PDGFRB: variants seen among roughly 807,000 people sequenced by gnomAD.
PDGFRB encodes the protein platelet derived growth factor receptor beta, also known as platelet-derived growth factor receptor beta.
PDGFRB carries 42 observed loss-of-function variants against 120.2 expected under a neutral mutation model. That is an observed-to-expected ratio of 0.35 (90% confidence interval 0.27 to 0.45). The LOEUF (loss-of-function observed/expected upper bound fraction) is 0.45, where lower values mean the gene tolerates loss of function less well. Among genes scored for constraint, PDGFRB ranks in the 20% least tolerant of loss-of-function variants. PDGFRB has a pLI of 1.00. For synonymous variants in PDGFRB, 586 were observed against 606.8 expected (o/e 0.97, Z 0.50); for missense variants, 1,149 against 1,476.3 (o/e 0.78, Z 3.63).
At chr5:150,151,139 C>A in intron 1 of PDGFRB, among the ~76,000 whole-genome samples, 1 of 152,170 alleles carries the variant, frequency 6.6e-6, no homozygotes, top group Non-Finnish European at 1.5e-5. Flanking sequence ...AAGAAAAAAA[C>A]CCTTTCATTG....
chr5:150,118,811 A>C lies in PDGFRB; in HGVS notation c.2840T>G (p.Ile947Ser), dbSNP rs1427389773. 1 of 1,613,550 alleles carries C rather than the reference A, an allele frequency of 6.2e-7. No individual in the cohort carries two copies. The highest frequency in any genetic ancestry group is 8.5e-7 in the Non-Finnish European group (1 of 1,179,532). The change falls in exon 21 of 23, where the codon ATT becomes AGT. Residue 947 changes from isoleucine (I) to serine (S), a missense_variant. By Grantham distance (142) the Ile-to-Ser change is moderately radical (BLOSUM62 -2). This residue lies in a region of PDGFRB where 202 missense variants were observed against 214.3 expected (regional missense o/e 0.94). Coordinates refer to ENST00000261799, the MANE Select transcript of PDGFRB (RefSeq NM_002609.4). ...CACCAGCTGGGAGAAGGGGGGCCGA[A>C]TCTCAAACTTCTCTTCCCAGCACTT... ...MQKCWEEKFE[I>S]RPPFSQLVLL...
Position 150,129,781 on chromosome 5 carries a change from G to T in PDGFRB, c.1555C>A (p.Gln519Lys). ...TLRNAVGQDT[Q>K]EVIVVPHSLP... is the part of the protein sequence containing the mutation. The stretch of plus-strand genomic sequence containing the variant: ...CAGTGTGGCACCACGATGACCTCCT[G>T]CGTGTCCTGGCCCACAGCGTTGCGC... Residue 519 changes from glutamine to lysine, a missense_variant, in exon 10 of 23, where the codon CAG becomes AAG. Coordinates refer to ENST00000261799, the MANE Select transcript of PDGFRB (RefSeq NM_002609.4). 2 of 1,613,632 alleles carry T rather than the reference G, an allele frequency of 1.2e-6. No homozygotes were observed.
chr5:150,117,538 GCGCGCGCACACA>G (rs1313576706), intron 22 of PDGFRB, 68 bp downstream of exon 22: 325 of 586,014 alleles, frequency 5.5e-4, no homozygotes, highest in Middle Eastern at 3.5e-3. Context: ...GCGCGCGCGC[GCGCGCGCACACA>G]CACACACACA....
intron 21 of PDGFRB, 106 bp from the exon 22 acceptor site, chr5:150,117,956 C>T (rs1454214257): frequency 1.4e-5 from 9 of 665,036 alleles, no homozygotes; most frequent in East Asian, 2.7e-5. Flanking sequence ...ATAAGACCCC[C>T]GCTGCTCAGA....
In PDGFRB at chr5:150,132,712, A is replaced by C; in HGVS notation, c.1127+38T>G. 6.3e-7 allele frequency: 1 copy of C among 1,586,314 alleles called. No homozygotes were observed. Among genetic ancestry groups the C allele is most frequent in the Non-Finnish European group, 8.6e-7 (1 of 1,162,758 alleles). On this transcript the variant is annotated intron_variant, in intron 7 of 22. Transcript: ENST00000261799. The surrounding 1 kb of genome is among the most constrained non-coding windows in gnomAD (Gnocchi z 5.0). ...GGCTGCCTGGCGGCTGCAAAGAAAA[A>C]TAACTTCAAGAATGGGATGGGAGAG...
chr5:150,127,005 C>T (rs185686293), intron 10 of PDGFRB, among the ~76,000 whole-genome samples: 6 of 152,244 alleles, frequency 3.9e-5, no homozygotes, highest in African/African-American at 1.4e-4. Context: ...TCTGAGTCCA[C>T]ACCCTTGCTG....
At chr5:150,151,598 C>T (rs890440250) in intron 1 of PDGFRB, among the ~76,000 whole-genome samples, 3 of 152,316 alleles carry the variant, frequency 2.0e-5, no homozygotes, top group African/African-American at 7.2e-5. Context: ...GTGGCTCACG[C>T]CTGTAATCCC....
chr5:150,113,919 C>T lies in PDGFRB; in HGVS notation c.*1844G>A, dbSNP rs540060566. The stretch of plus-strand genomic sequence containing the variant: ...ACAGATAGAAAAACTCAACAGCATA[C>T]AAAATAGCATTTCTGCTGTATAAAT... On this transcript the variant is annotated 3_prime_UTR_variant, in exon 23 of 23. Transcript: ENST00000261799. 5.1e-5 allele frequency: 12 copies of T among 233,176 alleles called. 1 individual carries two copies. The South Asian group carries it at 2.2e-3, about 42-fold the overall frequency. The allele number at this position is 233,176 out of a possible 1,614,324, so 14.4% of individuals were successfully genotyped here. A position where few individuals can be genotyped will look rare whatever the true frequency, so the allele number is the denominator to read the frequency against.
chr5:150,131,557 G>T (rs1166029605), intron 8 of PDGFRB, among the ~76,000 whole-genome samples: 2 of 152,164 alleles, frequency 1.3e-5, no homozygotes, highest in Non-Finnish European at 2.9e-5. Flanking sequence ...TAATTTGCTG[G>T]GGTTTTCCTC....
Position 150,135,736 on chromosome 5 carries a change from C to T in PDGFRB, c.183G>A (p.Val61=), listed in dbSNP as rs890634565. The change falls in exon 3 of 23, where the codon GTG becomes GTA. Residue 61 remains valine (V), a synonymous_variant. Coordinates refer to ENST00000261799, the MANE Select transcript of PDGFRB (RefSeq NM_002609.4). ...VLTCSGSAPV[V]WERMSQEPPQ... ...GGGGCTCCTGGGACATCCGTTCCCA[C>T]ACCACCGGAGCTGAACCCGAGCAGG... is the stretch of plus-strand genomic sequence containing the variant. 5.6e-6 allele frequency: 9 copies of T among 1,614,152 alleles called. No homozygotes were observed. The highest frequency in any genetic ancestry group is 1.6e-4 in the Middle Eastern group (1 of 6,062).
At chr5:150,123,355 T>C (rs969784529) in intron 14 of PDGFRB, among the ~76,000 whole-genome samples, 154 bp from the exon 15 acceptor site, 2 of 152,220 alleles carry the variant, frequency 1.3e-5, no homozygotes, top group Non-Finnish European at 2.9e-5. Flanking sequence ...TTTTCCTGCC[T>C]CTGTGGTGGA....
At chr5:150,136,974 C>T (rs2113914551) in intron 2 of PDGFRB, 34 bp downstream of exon 2, 1 of 1,589,930 alleles carries the variant, frequency 6.3e-7, no homozygotes, top group Non-Finnish European at 8.6e-7. Flanking sequence ...TCCGCAGCCC[C>T]CCGGGTCCCC....
Position 150,131,961 on chromosome 5 carries a change from G to C in PDGFRB, c.1243+18C>G. 7.8e-7 allele frequency: 1 copy of C among 1,283,838 alleles called. No individual in the cohort carries two copies. Among genetic ancestry groups the C allele is most frequent in the Non-Finnish European group, 1.1e-6 (1 of 879,228 alleles). 79.5% of individuals were successfully genotyped at this position (1,283,838 alleles called of 1,614,324 possible). A position where few individuals can be genotyped will look rare whatever the true frequency, so the allele number is the denominator to read the frequency against. On this transcript the variant is annotated intron_variant, in intron 8 of 22. Coordinates refer to ENST00000261799, the MANE Select transcript of PDGFRB (RefSeq NM_002609.4). The stretch of plus-strand genomic sequence containing the variant: ...GGAGGGGAAGGAGCAGGGACATGGC[G>C]AGGGGCGTGCTCATCACCATTGATC...
intron 6 of PDGFRB, 78 bp from the exon 7 acceptor site, chr5:150,133,020 G>A: frequency 9.6e-7 from 1 of 1,044,546 alleles, no homozygotes; most frequent in Non-Finnish European, 1.4e-6. Flanking sequence ...AGCCTGTGGG[G>A]TGGGGCTTCA....
chr5:150,139,479 C>A (rs1375152398), intron 1 of PDGFRB, among the ~76,000 whole-genome samples: 3 of 150,326 alleles, frequency 2.0e-5, no homozygotes, highest in African/African-American at 5.0e-5. Flanking sequence ...AGATTCTAGT[C>A]ACCACGAATC....
rs541246178 is a variant in PDGFRB, at chr5:150,133,498, C to T, written c.934+88G>A. ...CCTGATCACTGTATCAAAAATGCAA[C>T]TCTCACCATCACTCTGCACCCAGCA... On this transcript the variant is annotated intron_variant, in intron 6 of 22. Transcript: ENST00000261799. The T allele has an allele frequency of 6.2e-5, 69 of 1,117,088 alleles. 3 individuals are homozygous for T. In the African/African-American group the frequency reaches 9.9e-4, roughly 16 times the overall value. The allele number at this position is 1,117,088 out of a possible 1,614,324, so 69.2% of individuals were successfully genotyped here.
At chr5:150,135,151 C>T in intron 3 of PDGFRB, 135 bp from the exon 4 acceptor site, 1 of 606,376 alleles carries the variant, frequency 1.6e-6, no homozygotes, top group East Asian at 2.8e-5. Flanking sequence ...CCCAGAAGAG[C>T]ATAAATCAAA....
At chr5:150,136,730 G>A (rs1227607158) in intron 2 of PDGFRB, among the ~76,000 whole-genome samples, 2 of 152,164 alleles carry the variant, frequency 1.3e-5, no homozygotes, top group East Asian at 3.9e-4. Context: ...GGAGGCCAGG[G>A]GTGTGGGCCA....
Position 150,117,725 on chromosome 5 carries a change from A to C in PDGFRB, c.3030T>G (p.Thr1010=), listed in dbSNP as rs182175304. The change falls in exon 22 of 23, where the codon ACT becomes ACG. Residue 1010 remains threonine (T), a synonymous_variant. Coordinates refer to ENST00000261799, the MANE Select transcript of PDGFRB (RefSeq NM_002609.4). ...SPLDTSSVLY[T]AVQPNEGDND... Reference sequence around the variant, plus strand: ...TGTCACCCTCATTGGGCTGCACGGCAGTATAGAGGACGGAGCTGGTGTCCA... The same window carrying C: ...TGTCACCCTCATTGGGCTGCACGGCCGTATAGAGGACGGAGCTGGTGTCCA... 28 of 1,613,604 alleles carry C rather than the reference A, an allele frequency of 1.7e-5. No homozygotes were observed. The East Asian group carries it at 5.8e-4, about 33-fold the overall frequency.
Sources: gnomAD v4.1 joint callset for allele counts (sites outside exome capture counted in the v4.1 genomes callset) on GRCh38, gnomAD v4.1.1 for gene constraint, gnomAD v4.1.1 regional missense constraint, Gnocchi (gnomAD v3.1) non-coding constraint, MANE v1.5 for transcripts, NCBI Gene and HGNC (gene_info 2026-07-23, HGNC 2026-07-21) for gene names.